Variants in ARRDC3 observed in about 807,000 individuals in gnomAD.
ARRDC3 encodes arrestin domain-containing protein 3.
In ARRDC3, 10 loss-of-function variants were observed where a neutral mutation model predicts 47.2. That is an observed-to-expected ratio of 0.21 (90% confidence interval 0.13 to 0.36). ARRDC3 has a LOEUF of 0.36. ARRDC3 is among the 10% of genes least tolerant of loss of function. The pLI is 1.00. For missense variants in ARRDC3, 381 were observed against 503.6 expected, an observed-to-expected ratio of 0.76 and a Z score of 2.33; for synonymous variants, 156 against 178.3, an observed-to-expected ratio of 0.87 and a Z score of 1.00.
At position 91,375,006 on chromosome 5, in the gene ARRDC3, C is replaced by T. The variant is rs144401754; in HGVS notation, c.786G>A (p.Thr262=). The change falls in exon 5 of 8, where the codon ACG becomes ACA. Residue 262 remains threonine, a synonymous_variant. Coordinates refer to ENST00000265138, the MANE Select transcript of ARRDC3 (RefSeq NM_020801.4). The part of the protein sequence containing the change: ...GESLSSGKTE[T]WNGKLLKIPP... ...GAATTTTCAGCAACTTGCCATTCCA[C>T]GTCTCTGTCTTTCCAGATGATAAGG... is the stretch of plus-strand genomic sequence containing the variant. The T allele has an allele frequency of 2.1e-5, 34 of 1,614,030 alleles. No homozygotes were observed. The African/African-American group carries it at 2.3e-4, about 11-fold the overall frequency.
chr5:91,383,288 C>T lies in ARRDC3; in HGVS notation c.-196G>A. On this transcript the variant is annotated 5_prime_UTR_variant, in exon 1 of 8. Coordinates refer to ENST00000265138, the MANE Select transcript of ARRDC3 (RefSeq NM_020801.4). ...AGCAGAGGCTGCTGCTCCGCGCTCCCGCTCGTCTCAGTGGTCTCCTTACAA... is the reference window on the plus strand; with the variant it reads ...AGCAGAGGCTGCTGCTCCGCGCTCCTGCTCGTCTCAGTGGTCTCCTTACAA... 1.8e-6 allele frequency: 1 copy of T among 553,006 alleles called. No individual in the cohort carries two copies. 34.3% of individuals were successfully genotyped at this position (553,006 alleles called of 1,614,324 possible). A position where few individuals can be genotyped will look rare whatever the true frequency, so the allele number is the denominator to read the frequency against.
chr5:91,381,398 A>C (rs149391593), intron 1 of ARRDC3, among the ~76,000 whole-genome samples: 2 of 152,342 alleles, frequency 1.3e-5, no homozygotes, highest in African/African-American at 4.8e-5. Context: ...AGGTACAAAC[A>C]CAAAGTCATC....
At position 91,375,660 on chromosome 5, in the gene ARRDC3, C is replaced by T. The variant is rs750569596; in HGVS notation, c.511-47G>A. ...AAAAAGGTCAGTGTATGGATTGGTA[C>T]AATCAATACCAGAATATTTTAAAAT... On this transcript the variant is annotated intron_variant, in intron 3 of 7. Coordinates refer to ENST00000265138, the MANE Select transcript of ARRDC3 (RefSeq NM_020801.4). 10 of 1,172,764 alleles carry T rather than the reference C, an allele frequency of 8.5e-6. No individual in the cohort carries two copies. The Admixed American group carries it at 1.8e-4, about 21-fold the overall frequency. The allele number at this position is 1,172,764 out of a possible 1,614,324, so 72.6% of individuals were successfully genotyped here.
chr5:91,368,716 CCAAA>C lies in ARRDC3; in HGVS notation c.*2680_*2683del, dbSNP rs1204279344. 3.9e-5 allele frequency: 6 copies of C among 152,398 alleles called. No individual in the cohort carries two copies. The South Asian group carries it at 6.2e-4, about 16-fold the overall frequency. 9.4% of individuals were successfully genotyped at this position (152,398 alleles called of 1,614,324 possible). A position where few individuals can be genotyped will look rare whatever the true frequency, so the allele number is the denominator to read the frequency against. ...ATATGATCAAGATTCAAATAAATCT[CCAAA>C]CAATTATACAAAACAGAAAAAAACA... On this transcript the variant is annotated 3_prime_UTR_variant, in exon 8 of 8. Transcript: ENST00000265138.
Position 91,373,697 on chromosome 5 carries a change from G to A in ARRDC3, c.1175C>T (p.Pro392Leu), listed in dbSNP as rs1239137107. 2 of 1,613,798 alleles carry A rather than the reference G, an allele frequency of 1.2e-6. No individual in the cohort carries two copies. The highest frequency in any genetic ancestry group is 1.7e-6 in the Non-Finnish European group (2 of 1,179,786). ...YIQEFRFLPP[P>L]LYSEIDPNPD... is the part of the protein sequence containing the mutation. ...GTAGGTACTTACCTCTGAATAAAGA[G>A]GTGGAGGCAAGAATCGAAACTCCTG... The change falls in exon 7 of 8, where the codon CCT (proline) becomes CTT (leucine). Residue 392 changes from proline to leucine, a missense_variant. Coordinates refer to ENST00000265138, the MANE Select transcript of ARRDC3 (RefSeq NM_020801.4).
chr5:91,378,863 T>C (rs1005895833), intron 1 of ARRDC3, 88 bp from the exon 2 acceptor site: 5 of 761,560 alleles, frequency 6.6e-6, no homozygotes, highest in Non-Finnish European at 8.3e-6. Context: ...GATGCTTACA[T>C]AACAATTAAG....
Position 91,371,363 on chromosome 5 carries a change from C to T in ARRDC3, c.*37G>A, listed in dbSNP as rs758971211. The T allele has an allele frequency of 1.1e-5, 17 of 1,567,664 alleles. No homozygotes were observed. Among genetic ancestry groups the T allele is most frequent in the South Asian group, 5.6e-5 (5 of 89,808 alleles). ...GTCCTCAGCCGGAAGAGATACAGTT[C>T]GGAACCCACATCAACTTGATTCAAC... On this transcript the variant is annotated 3_prime_UTR_variant, in exon 8 of 8. Coordinates refer to ENST00000265138, the MANE Select transcript of ARRDC3 (RefSeq NM_020801.4).
At position 91,370,991 on chromosome 5, in the gene ARRDC3, A is replaced by G. The variant is rs1799159018; in HGVS notation, c.*409T>C. The G allele has an allele frequency of 6.5e-6, 1 of 153,108 alleles. No homozygotes were observed. Among genetic ancestry groups the G allele is most frequent in the Admixed American group, 6.6e-5 (1 of 15,164 alleles). 9.5% of individuals were successfully genotyped at this position (153,108 alleles called of 1,614,324 possible). On this transcript the variant is annotated 3_prime_UTR_variant, in exon 8 of 8. Coordinates refer to ENST00000265138, the MANE Select transcript of ARRDC3 (RefSeq NM_020801.4). ...CCACAAACAAGTTTTAAGAGTATCA[A>G]GAGTCTGGCAAAAATAGAAAAAAAA...
At chr5:91,376,047 G>A (rs1799292128) in intron 3 of ARRDC3, among the ~76,000 whole-genome samples, 1 of 151,956 alleles carries the variant, frequency 6.6e-6, no homozygotes, top group Admixed American at 6.6e-5. Context: ...TGTAAAAAAG[G>A]AAAATGCCCA....
At position 91,373,666 on chromosome 5, in the gene ARRDC3, T is replaced by C. The variant is rs1365548467; in HGVS notation, c.1188+18A>G. 3.1e-6 allele frequency: 5 copies of C among 1,591,992 alleles called. No individual in the cohort carries two copies. Among genetic ancestry groups the C allele is most frequent in the South Asian group, 1.1e-5 (1 of 88,016 alleles). On this transcript the variant is annotated intron_variant, in intron 7 of 7. Transcript: ENST00000265138. ...CAAGATAGCCAGTTCATTTCATACT[T>C]AAGGAGTAGGTACTTACCTCTGAAT...
In ARRDC3 at chr5:91,371,371, A is replaced by G. The variant is rs1419399270; in HGVS notation, c.*29T>C. ...CCGGAAGAGATACAGTTCGGAACCC[A>G]CATCAACTTGATTCAACCAAGTGTT... On this transcript the variant is annotated 3_prime_UTR_variant, in exon 8 of 8. Coordinates refer to ENST00000265138, the MANE Select transcript of ARRDC3 (RefSeq NM_020801.4). 1.1e-5 allele frequency: 18 copies of G among 1,591,588 alleles called. No homozygotes were observed. The highest frequency in any genetic ancestry group is 1.6e-5 in the Non-Finnish European group (18 of 1,159,928).
At chr5:91,378,877 A>G (rs1799370166) in intron 1 of ARRDC3, 102 bp from the exon 2 acceptor site, 1 of 621,322 alleles carries the variant, frequency 1.6e-6, no homozygotes, top group Non-Finnish European at 2.7e-6. Context: ...AATTAAGACC[A>G]CAAAACAAGC....
chr5:91,378,269 T>TA (rs1423905649), intron 2 of ARRDC3, among the ~76,000 whole-genome samples: 2 of 152,096 alleles, frequency 1.3e-5, no homozygotes, highest in African/African-American at 2.4e-5. Flanking sequence ...TTTCGAAACT[T>TA]ACTGCTATTG....
At chr5:91,374,490 A>G (rs969697492) in intron 5 of ARRDC3, among the ~76,000 whole-genome samples, 21 of 152,212 alleles carry the variant, frequency 1.4e-4, no homozygotes, top group African/African-American at 5.1e-4. Flanking sequence ...TATGTATTTT[A>G]TATGTCACTA....
Position 91,369,166 on chromosome 5 carries a change from A to T in ARRDC3, c.*2234T>A, listed in dbSNP as rs1799109710. 6.6e-6 allele frequency: 1 copy of T among 152,522 alleles called. No individual in the cohort carries two copies. Among genetic ancestry groups the T allele is most frequent in the South Asian group, 2.1e-4 (1 of 4,834 alleles). 9.4% of individuals were successfully genotyped at this position (152,522 alleles called of 1,614,324 possible). A position where few individuals can be genotyped will look rare whatever the true frequency, so the allele number is the denominator to read the frequency against. On this transcript the variant is annotated 3_prime_UTR_variant, in exon 8 of 8. Transcript: ENST00000265138. ...AGTGCCAATTATCAGAATATTGGTC[A>T]TTCTTGCTTCATGTGTTATTTGTAA...
rs755560544 is a variant in ARRDC3, at chr5:91,373,733, A to T, written c.1139T>A (p.Phe380Tyr). 1.2e-6 allele frequency: 2 copies of T among 1,614,058 alleles called. No homozygotes were observed. The highest frequency in any genetic ancestry group is 2.2e-5 in the South Asian group (2 of 91,082). ...GAATCGAAACTCCTGGATATATGCA[A>T]ACAGTGGTCCTTGAAGGGCTCTCTC... The part of the protein sequence containing the change: ...DFERALQGPL[F>Y]AYIQEFRFLP... The change falls in exon 7 of 8, where the codon TTT becomes TAT. Residue 380 changes from phenylalanine to tyrosine, a missense_variant. Transcript: ENST00000265138.
intron 5 of ARRDC3, 88 bp from the exon 6 acceptor site, chr5:91,374,364 A>T: frequency 5.2e-6 from 6 of 1,143,182 alleles, no homozygotes; most frequent in Non-Finnish European, 6.2e-6. Context: ...GTTATTTGAA[A>T]CCCCCATTTA....
intron 7 of ARRDC3, 146 bp from the exon 8 acceptor site, chr5:91,371,602 T>A: frequency 1.6e-6 from 1 of 641,666 alleles, no homozygotes; most frequent in Non-Finnish European, 2.7e-6. Context: ...CCAATTATTC[T>A]CTTTTCATAC....
In ARRDC3 at chr5:91,375,092, A is replaced by C; in HGVS notation, c.700T>G (p.Phe234Val). 6.2e-7 allele frequency: 1 copy of C among 1,614,164 alleles called. No homozygotes were observed. Among genetic ancestry groups the C allele is most frequent in the Non-Finnish European group, 8.5e-7 (1 of 1,180,012 alleles). Reference sequence around the variant, plus strand: ...TCCTTCATTTTCCCTTTGGCATAGAAGGCCTGTGTTTGGTAAATGGCTGCC... The same window carrying C: ...TCCTTCATTTTCCCTTTGGCATAGACGGCCTGTGTTTGGTAAATGGCTGCC... ...PKAAIYQTQAFYAKGKMKEVK... is the reference protein window; with the variant it reads ...PKAAIYQTQAVYAKGKMKEVK... Residue 234 changes from phenylalanine to valine, a missense_variant, in exon 5 of 8, where the codon TTC becomes GTC. Phe to Val is a conservative substitution (Grantham distance 50). Coordinates refer to ENST00000265138, the MANE Select transcript of ARRDC3 (RefSeq NM_020801.4).
Sources: gnomAD v4.1 joint callset for allele counts (sites outside exome capture counted in the v4.1 genomes callset) on GRCh38, gnomAD v4.1.1 for gene constraint, MANE v1.5 for transcripts, NCBI Gene and HGNC (gene_info 2026-07-23, HGNC 2026-07-21) for gene names.